The following MGAM2 variants were observed in gnomAD, a reference collection of about 807,000 sequenced individuals.
MGAM2 encodes the protein probable maltase-glucoamylase 2.
Under a neutral mutation model 96.1 loss-of-function variants are expected in MGAM2, and 98 were observed. The observed-to-expected ratio is 1.02, with a 90% CI of 0.87 to 1.21. The LOEUF (loss-of-function observed/expected upper bound fraction) is 1.21. MGAM2 is among the 50% of genes most tolerant of loss of function. MGAM2 has a pLI of 0.00. For missense variants in MGAM2, 2,055 were observed against 1,182.4 expected (o/e 1.74, Z -10.82); for synonymous variants, 749 against 414.8 (o/e 1.81, Z -9.79).
At chr7:142,173,660 A>G (rs1015836672) in intron 31 of MGAM2, among the ~76,000 whole-genome samples, 1 of 152,330 alleles carries the variant, frequency 6.6e-6, no homozygotes, top group African/African-American at 2.4e-5. Flanking sequence ...AGTTTCACCT[A>G]GGGTCATATG....
At chr7:142,182,384 G>C (rs776648736) in intron 32 of MGAM2, among the ~76,000 whole-genome samples, 1 of 152,102 alleles carries the variant, frequency 6.6e-6, no homozygotes, top group African/African-American at 2.4e-5. Context: ...CAGACGGGTG[G>C]CATGCAGATC....
rs1797946751 is a variant in MGAM2 at position 142,222,012 on chromosome 7, G to C, written c.7501G>C (p.Ala2501Pro). The change falls in exon 48 of 48, where the codon GCA becomes CCA. Residue 2501 changes from alanine (A) to proline (P), a missense_variant. By Grantham distance (27) the Ala-to-Pro change is conservative. Coordinates refer to ENST00000477922, the MANE Select transcript of MGAM2 (RefSeq NM_001293626.2). ...TAGTACAGTACATACCTCTGCTACT[G>C]CACCTACTTATATTGCAAATGCCAT... ...PDSTVHTSAT[A>P]PTYIANAINA... The C allele has an allele frequency of 2.5e-6, 1 of 398,212 alleles. No homozygotes were observed. The allele number at this position is 398,212 out of a possible 1,614,324, so 24.7% of individuals were successfully genotyped here. A position where few individuals can be genotyped will look rare whatever the true frequency, so the allele number is the denominator to read the frequency against.
rs1233565257 is a variant in MGAM2 at position 142,196,789 on chromosome 7, C to T, written c.4605C>T (p.Ser1535=). Reference sequence around the variant, plus strand: ...AACTGGGGGCATTTTATCCATTTTCCAGAAACCACAACAACATCGGGACAA... The same window carrying T: ...AACTGGGGGCATTTTATCCATTTTCTAGAAACCACAACAACATCGGGACAA... The part of the protein sequence containing the change: ...WMQLGAFYPF[S]RNHNNIGTRR... Residue 1535 remains serine (S), a synonymous_variant, in exon 40 of 48, where the codon TCC becomes TCT. Coordinates refer to ENST00000477922, the MANE Select transcript of MGAM2 (RefSeq NM_001293626.2). The T allele has an allele frequency of 1.3e-6, 1 of 782,872 alleles. No individual in the cohort carries two copies. Among genetic ancestry groups the T allele is most frequent in the Non-Finnish European group, 2.4e-6 (1 of 420,410 alleles). 48.5% of individuals were successfully genotyped at this position (782,872 alleles called of 1,614,324 possible).
chr7:142,173,252 T>G lies in MGAM2; in HGVS notation c.3585T>G (p.Ile1195Met). Residue 1195 changes from isoleucine (I) to methionine (M), a missense_variant, in exon 31 of 48, where the codon ATT becomes ATG. Physicochemically the swap from Ile to Met is conservative, Grantham distance 10 (BLOSUM62 1). Transcript: ENST00000477922. Reference protein sequence around the residue: ...YTELIGRPAMIPYWALGFHLS... With the variant: ...YTELIGRPAMMPYWALGFHLS... ...AGTTGATTGGTCGGCCAGCAATGAT[T>G]CCATACTGGGCCTTGGGATTCCATC... 3 of 703,144 alleles carry G rather than the reference T, an allele frequency of 4.3e-6. No individual in the cohort carries two copies. The highest frequency in any genetic ancestry group is 7.8e-6 in the Non-Finnish European group (3 of 384,958). The allele number at this position is 703,144 out of a possible 1,614,324, so 43.6% of individuals were successfully genotyped here. A position where few individuals can be genotyped will look rare whatever the true frequency, so the allele number is the denominator to read the frequency against.
intron 23 of MGAM2, among the ~76,000 whole-genome samples, chr7:142,164,062 T>A (rs1795962382): frequency 6.6e-6 from 1 of 152,230 alleles, no homozygotes; most frequent in African/African-American, 2.4e-5. Context: ...AGTTAATTTT[T>A]ATATAATATG....
At chr7:142,134,360 G>A (rs964553194) in intron 7 of MGAM2, among the ~76,000 whole-genome samples, 1 of 151,984 alleles carries the variant, frequency 6.6e-6, no homozygotes, top group Non-Finnish European at 1.5e-5. Flanking sequence ...CTAGCAATTC[G>A]AAATGCAGCA....
intron 15 of MGAM2, among the ~76,000 whole-genome samples, chr7:142,150,942 T>G (rs1465122546): frequency 6.6e-6 from 1 of 152,210 alleles, no homozygotes; most frequent in East Asian, 1.9e-4. Context: ...CCTGTCCATT[T>G]TGCAAAATAT....
At chr7:142,160,882 T>C (rs571328477) in intron 21 of MGAM2, among the ~76,000 whole-genome samples, 1 of 152,304 alleles carries the variant, frequency 6.6e-6, no homozygotes, top group Admixed American at 6.5e-5. Context: ...GTTGGTATTA[T>C]GTATTGCAAC....
chr7:142,123,841 G>A (rs767150948), intron 3 of MGAM2, among the ~76,000 whole-genome samples: 5 of 151,768 alleles, frequency 3.3e-5, no homozygotes, highest in African/African-American at 7.3e-5. Context: ...TGCCTACTCC[G>A]AGGTCAGAAA....
chr7:142,191,232 A>G (rs1796858564), intron 37 of MGAM2, among the ~76,000 whole-genome samples: 1 of 152,320 alleles, frequency 6.6e-6, no homozygotes, highest in African/African-American at 2.4e-5. Context: ...CTCATTTTGT[A>G]AACTTTTCAC....
At chr7:142,146,107 C>T (rs973566358) in intron 14 of MGAM2, among the ~76,000 whole-genome samples, 5 of 149,996 alleles carry the variant, frequency 3.3e-5, no homozygotes, top group Non-Finnish European at 7.4e-5. Context: ...GTCTGGATTC[C>T]CCCATTTTTT....
intron 3 of MGAM2, among the ~76,000 whole-genome samples, chr7:142,130,110 A>T (rs1794844317): frequency 6.6e-6 from 1 of 152,144 alleles, no homozygotes; most frequent in Non-Finnish European, 1.5e-5. Flanking sequence ...TACAAAATAA[A>T]TCTTGCTAAA....
chr7:142,216,710 T>C (rs1269901167), intron 46 of MGAM2, among the ~76,000 whole-genome samples: 1 of 152,180 alleles, frequency 6.6e-6, no homozygotes, highest in East Asian at 1.9e-4. Context: ...AGTACACCCA[T>C]TTATTTTGAG....
At chr7:142,213,617 A>T (rs897697084) in intron 46 of MGAM2, among the ~76,000 whole-genome samples, 7 of 152,178 alleles carry the variant, frequency 4.6e-5, no homozygotes, top group Non-Finnish European at 4.4e-5. Context: ...CTGAAGGTAA[A>T]ACCAGGGAGA....
Position 142,138,536 on chromosome 7 carries a change from T to G in MGAM2, c.961-6T>G. The G allele has an allele frequency of 1.4e-6, 1 of 702,800 alleles. No homozygotes were observed. Among genetic ancestry groups the G allele is most frequent in the Non-Finnish European group, 2.6e-6 (1 of 384,836 alleles). The allele number at this position is 702,800 out of a possible 1,614,324, so 43.5% of individuals were successfully genotyped here. ...TCAAAGCCTACACACTTACTTATCT[T>G]TTCAGCTTGTTGGACGGCCATTCTT... On this transcript the variant is annotated splice_region_variant and splice_polypyrimidine_tract_variant and intron_variant, in intron 9 of 47. Transcript: ENST00000477922.
intron 34 of MGAM2, 66 bp downstream of exon 34, chr7:142,185,205 T>G: frequency 2.9e-6 from 2 of 686,670 alleles, no homozygotes; most frequent in South Asian, 1.6e-5. Context: ...TTTTTTATCC[T>G]GATGAATAAG....
At chr7:142,128,402 T>C (rs1436367887) in intron 3 of MGAM2, among the ~76,000 whole-genome samples, 1 of 152,084 alleles carries the variant, frequency 6.6e-6, no homozygotes, top group Non-Finnish European at 1.5e-5. Flanking sequence ...GCTGCAGAAA[T>C]TTACATAAGT....
intron 3 of MGAM2, among the ~76,000 whole-genome samples, chr7:142,124,332 C>A (rs562110177): frequency 1.2e-4 from 19 of 152,140 alleles, no homozygotes; most frequent in African/African-American, 4.3e-4. Flanking sequence ...AACTGACCAT[C>A]TTTTTCCCTC....
At chr7:142,162,121 T>G (rs1426462205) in intron 23 of MGAM2, 117 bp downstream of exon 23, 8 of 497,626 alleles carry the variant, frequency 1.6e-5, no homozygotes, top group Non-Finnish European at 2.5e-5. Flanking sequence ...TTTACTGTCA[T>G]GATTCCAAAA....
Sources: allele counts gnomAD v4.1 joint callset (sites outside exome capture counted in the v4.1 genomes callset), GRCh38; gene constraint gnomAD v4.1.1; transcripts MANE v1.5; gene names NCBI Gene and HGNC (gene_info 2026-07-23, HGNC 2026-07-21).